Variants in R3HDM2 observed in about 807,000 individuals in gnomAD.
The protein encoded by R3HDM2 is R3H domain containing 2.
In R3HDM2, 38 loss-of-function variants were observed where a neutral mutation model predicts 124.5. The observed-to-expected ratio is 0.31, with a 90% confidence interval of 0.24 to 0.40. The LOEUF (loss-of-function observed/expected upper bound fraction) is 0.40. R3HDM2 is among the 10% of genes least tolerant of loss of function. The probability of loss-of-function intolerance (pLI) is 1.00; values close to 1 mark genes in which losing one functional copy is unlikely to be tolerated. For synonymous variants in R3HDM2, 391 were observed against 448.0 expected, an observed-to-expected ratio of 0.87 and a Z score of 1.61; for missense variants, 869 against 1,236.9, an observed-to-expected ratio of 0.70 and a Z score of 4.46.
At chr12:57,390,961 G>T (rs963695520) in intron 2 of R3HDM2, among the ~76,000 whole-genome samples, 1 of 150,706 alleles carries the variant, frequency 6.6e-6, no homozygotes, top group Non-Finnish European at 1.5e-5. Flanking sequence ...GCAGTGAGCC[G>T]AGATCATGCC....
chr12:57,297,249 C>T, intron 8 of R3HDM2, 79 bp downstream of exon 8: 1 of 751,696 alleles, frequency 1.3e-6, no homozygotes, highest in South Asian at 1.7e-5. Context: ...TCAAGGGGAA[C>T]ATCTCCTAAA....
intron 19 of R3HDM2, among the ~76,000 whole-genome samples, chr12:57,263,624 A>C (rs578221520): frequency 6.6e-6 from 1 of 152,210 alleles, no homozygotes; most frequent in Non-Finnish European, 1.5e-5. Context: ...GTGCACCCCC[A>C]TGCCCAGCTA....
intron 2 of R3HDM2, among the ~76,000 whole-genome samples, chr12:57,370,476 A>G (rs1157107624): frequency 6.9e-6 from 1 of 145,980 alleles, no homozygotes; most frequent in Non-Finnish European, 1.5e-5. Flanking sequence ...CCCCATCTCT[A>G]CTAAAAATAC....
chr12:57,401,781 C>T lies in R3HDM2; in HGVS notation c.-105-5963G>A, dbSNP rs568146108. Reference sequence around the variant, plus strand: ...GGTGGATCATTTGGGGTCAGGAGTTCGAGACCAGCCTGGCCAACATGGTGA... The same window carrying T: ...GGTGGATCATTTGGGGTCAGGAGTTTGAGACCAGCCTGGCCAACATGGTGA... On this transcript the variant is annotated intron_variant, in intron 1 of 23. Transcript: ENST00000402412. 2.1e-4 allele frequency among the ~76,000 whole-genome samples: 32 copies of T among 151,856 alleles called. 1 individual carries two copies. Among genetic ancestry groups the T allele is most frequent in the African/African-American group, 7.0e-4 (29 of 41,398 alleles).
In R3HDM2 at chr12:57,349,196, C is replaced by T. The variant is rs1317180545; in HGVS notation, c.-35-38733G>A. Among the ~76,000 whole-genome samples the T allele has an allele frequency of 2.0e-5, 3 of 151,230 alleles. No individual in the cohort carries two copies. In the South Asian group the frequency reaches 6.3e-4, roughly 32 times the overall value. Reference sequence around the variant, plus strand: ...GAGATTGAGACCATCCTGGCTAACACGGTGAAACCCCGACTCTACTAAAAA... The same window carrying T: ...GAGATTGAGACCATCCTGGCTAACATGGTGAAACCCCGACTCTACTAAAAA... On this transcript the variant is annotated intron_variant, in intron 2 of 23. Coordinates refer to ENST00000402412, the MANE Select transcript of R3HDM2 (RefSeq NM_001394031.1).
chr12:57,382,909 T>C (rs1345393010), intron 2 of R3HDM2, among the ~76,000 whole-genome samples: 1 of 152,048 alleles, frequency 6.6e-6, no homozygotes, highest in Non-Finnish European at 1.5e-5. Flanking sequence ...TCGCTCTTGT[T>C]GCCCAGTCTG....
chr12:57,397,885 A>G (rs2067706441), intron 1 of R3HDM2, among the ~76,000 whole-genome samples: 1 of 152,224 alleles, frequency 6.6e-6, no homozygotes, highest in East Asian at 1.9e-4. Flanking sequence ...TATCATAATT[A>G]AAAGTGAAAT....
At chr12:57,426,832 C>T (rs2070785049) in intron 1 of R3HDM2, among the ~76,000 whole-genome samples, 1 of 152,178 alleles carries the variant, frequency 6.6e-6, no homozygotes, top group Middle Eastern at 3.4e-3. Context: ...CCAGGTTTTC[C>T]TAGTGAAAAC....
chr12:57,311,071 T>C (rs1302258638), intron 2 of R3HDM2, among the ~76,000 whole-genome samples: 1 of 152,028 alleles, frequency 6.6e-6, no homozygotes, highest in Non-Finnish European at 1.5e-5. Flanking sequence ...TAAAGCTCCA[T>C]TGACTACTAG....
At chr12:57,403,285 A>G (rs1178543502) in intron 1 of R3HDM2, among the ~76,000 whole-genome samples, 1 of 151,752 alleles carries the variant, frequency 6.6e-6, no homozygotes, top group Non-Finnish European at 1.5e-5. Context: ...CGAAGTCAAG[A>G]TATCGAGACC....
At chr12:57,424,888 C>T (rs1029988506) in intron 1 of R3HDM2, among the ~76,000 whole-genome samples, 5 of 152,262 alleles carry the variant, frequency 3.3e-5, no homozygotes, top group South Asian at 4.1e-4. Context: ...TTTTTAATAA[C>T]GGTGCACGTA....
intron 2 of R3HDM2, among the ~76,000 whole-genome samples, chr12:57,334,760 G>A (rs1407222182): frequency 6.6e-6 from 1 of 152,016 alleles, no homozygotes. Context: ...GATATATTGA[G>A]GAATCAGTGA....
At chr12:57,332,885 G>T (rs2058382178) in intron 2 of R3HDM2, among the ~76,000 whole-genome samples, 1 of 152,190 alleles carries the variant, frequency 6.6e-6, no homozygotes, top group Non-Finnish European at 1.5e-5. Flanking sequence ...TCAAAAGAAA[G>T]GAATAAACTC....
At chr12:57,370,580 C>T (rs1267756977) in intron 2 of R3HDM2, among the ~76,000 whole-genome samples, 5 of 151,982 alleles carry the variant, frequency 3.3e-5, no homozygotes, top group Admixed American at 6.6e-5. Flanking sequence ...GTGGAGGTTG[C>T]GGTGAGCCAA....
intron 2 of R3HDM2, among the ~76,000 whole-genome samples, chr12:57,318,229 T>A (rs1269560483): frequency 6.6e-6 from 1 of 150,480 alleles, no homozygotes; most frequent in Non-Finnish European, 1.5e-5. Flanking sequence ...GAAGAGGAGG[T>A]TGCGGGCAAC....
At chr12:57,278,780 AT>A (rs149797577) in intron 14 of R3HDM2, among the ~76,000 whole-genome samples, 19 of 152,304 alleles carry the variant, frequency 1.2e-4, no homozygotes, top group African/African-American at 4.1e-4. Context: ...TTGCATGCAA[AT>A]TACATTTAGA....
chr12:57,383,184 G>A (rs545618049), intron 2 of R3HDM2, among the ~76,000 whole-genome samples: 3 of 152,250 alleles, frequency 2.0e-5, no homozygotes, highest in South Asian at 4.1e-4. Context: ...GCCGAATGTG[G>A]TGGTGCATGC....
chr12:57,277,201 G>C (rs1185150198), intron 14 of R3HDM2, among the ~76,000 whole-genome samples: 1 of 151,750 alleles, frequency 6.6e-6, no homozygotes, highest in East Asian at 1.9e-4. Context: ...GGGGCCCCGA[G>C]AACTCCTTTT....
chr12:57,338,362 C>T (rs1326545749), intron 2 of R3HDM2, among the ~76,000 whole-genome samples: 1 of 140,882 alleles, frequency 7.1e-6, no homozygotes, highest in African/African-American at 2.6e-5. Flanking sequence ...AACAAACAAA[C>T]AAAAATACCC....
Sources: gnomAD v4.1 joint callset for allele counts (sites outside exome capture counted in the v4.1 genomes callset) on GRCh38, gnomAD v4.1.1 for gene constraint, MANE v1.5 for transcripts, NCBI Gene and HGNC (gene_info 2026-07-23, HGNC 2026-07-21) for gene names.